The following RHPN1 variants were observed in gnomAD, a reference collection of about 807,000 sequenced individuals.
RHPN1 encodes the protein rhophilin-1.
RHPN1 carries 77 observed loss-of-function variants against 74.7 expected under a neutral mutation model. The ratio of observed to expected loss-of-function variants is 1.03; its 90% CI spans 0.86 to 1.25. The LOEUF is 1.25. Ranked by LOEUF, RHPN1 falls within the 50% of genes most tolerant of loss-of-function variation. The probability of loss-of-function intolerance (pLI) is 0.00; values close to 1 mark genes in which losing one functional copy is unlikely to be tolerated. For synonymous variants in RHPN1, 444 were observed against 414.5 expected (o/e 1.07, Z -0.87); for missense variants, 987 against 932.2 (o/e 1.06, Z -0.77).
At position 143,380,110 on chromosome 8, in the gene RHPN1, C is replaced by T; in HGVS notation, c.1151C>T (p.Pro384Leu). 6.4e-7 allele frequency: 1 copy of T among 1,552,548 alleles called. No homozygotes were observed. The change falls in exon 10 of 15, where the codon CCC (proline) becomes CTC (leucine). Residue 384 changes from proline (P) to leucine (L), a missense_variant. Coordinates refer to ENST00000289013, the MANE Select transcript of RHPN1 (RefSeq NM_052924.3). ...LPTHEQVFLQ[P>L]PTSSKPRGPV... ...ACGCACGAGCAGGTCTTCCTGCAGC[C>T]CCCCACCTCCTCTAAGCCCCGAGGC...
chr8:143,377,409 T>A lies in RHPN1; in HGVS notation c.335T>A (p.Leu112Gln). Residue 112 changes from leucine to glutamine, a missense_variant, in exon 4 of 15, where the codon CTG becomes CAG. Coordinates refer to ENST00000289013, the MANE Select transcript of RHPN1 (RefSeq NM_052924.3). ...GCTGTCACTGTCCCCATGATCCCCC[T>A]GGGCCTGAAGGAGACCAAGGAGCTG... ...SEAVTVPMIP[L>Q]GLKETKELDW... The A allele has an allele frequency of 6.2e-7, 1 of 1,613,500 alleles. No homozygotes were observed. The highest frequency in any genetic ancestry group is 8.5e-7 in the Non-Finnish European group (1 of 1,179,596).
intron 8 of RHPN1, 96 bp downstream of exon 8, chr8:143,379,604 TTG>T: frequency 6.9e-7 from 1 of 1,455,534 alleles, no homozygotes; most frequent in Non-Finnish European, 9.1e-7. Context: ...ACCTCCTTCC[TTG>T]TGTGTCAGCC....
chr8:143,365,962 A>C (rs990143318), upstream of RHPN1, among the ~76,000 whole-genome samples: 2 of 149,442 alleles, frequency 1.3e-5, no homozygotes, highest in African/African-American at 2.5e-5. Context: ...TGATCACACC[A>C]CTGCACTCCA....
chr8:143,364,669 C>T (rs189874080), upstream of RHPN1, among the ~76,000 whole-genome samples: 5 of 152,118 alleles, frequency 3.3e-5, no homozygotes, highest in Admixed American at 3.3e-4. The surrounding 1 kb of genome is among the most constrained non-coding windows in gnomAD (Gnocchi z 4.5). Context: ...TAGGCAGCCC[C>T]GAGCTGACCC....
chr8:143,376,929 T>C (rs1412728019), intron 3 of RHPN1, among the ~76,000 whole-genome samples: 1 of 146,990 alleles, frequency 6.8e-6, no homozygotes, highest in African/African-American at 2.5e-5. Context: ...TCTGCATGTG[T>C]CTGTGTGTGC....
rs753903785 is a variant in RHPN1 at position 143,381,644 on chromosome 8, G to A, written c.1561G>A (p.Gly521Ser). ...VGPVHLTRGE[G>S]GFGLTLRGDS... ...GCCCGTCCACCTGACCCGAGGAGAG[G>A]GCGGCTTTGGCCTCACGCTTCGGGG... is the stretch of plus-strand genomic sequence containing the variant. Residue 521 changes from glycine to serine, a missense_variant, in exon 13 of 15, where the codon GGC (glycine) becomes AGC (serine). Coordinates refer to ENST00000289013, the MANE Select transcript of RHPN1 (RefSeq NM_052924.3). 21 of 1,611,062 alleles carry A rather than the reference G, an allele frequency of 1.3e-5. No individual in the cohort carries two copies. The highest frequency in any genetic ancestry group is 1.7e-5 in the Non-Finnish European group (20 of 1,179,326).
At chr8:143,377,090 A>G (rs552774059) in intron 3 of RHPN1, among the ~76,000 whole-genome samples, 9 of 145,984 alleles carry the variant, frequency 6.2e-5, no homozygotes, top group African/African-American at 1.8e-4. Flanking sequence ...GTGTGTGCAT[A>G]TATGTGTGTG....
chr8:143,365,746 C>T (rs1817549647), upstream of RHPN1, among the ~76,000 whole-genome samples: 1 of 152,310 alleles, frequency 6.6e-6, no homozygotes. Flanking sequence ...ACCTGTAATC[C>T]CAGCACTTTG....
upstream of RHPN1, among the ~76,000 whole-genome samples, chr8:143,366,172 C>T (rs528006453): frequency 6.6e-6 from 1 of 152,018 alleles, no homozygotes; most frequent in South Asian, 2.1e-4. Context: ...AGAAAACGAG[C>T]ATAAAGCAGC....
chr8:143,381,947 C>G lies in RHPN1; in HGVS notation c.1776C>G (p.Pro592=). Residue 592 remains proline (P), a synonymous_variant, in exon 14 of 15, where the codon CCC becomes CCG. Transcript: ENST00000289013. ...GCCTGCAGGTGGTGTCGCTGCTGCC[C>G]AGCTCTAGACTGCCCAGCTTGGTGA... The part of the protein sequence containing the change: ...GASLQVVSLL[P]SSRLPSLGDR... 6.2e-7 allele frequency: 1 copy of G among 1,601,388 alleles called. No individual in the cohort carries two copies. Among genetic ancestry groups the G allele is most frequent in the Admixed American group, 1.7e-5 (1 of 59,110 alleles).
chr8:143,376,419 G>C (rs1586816386), intron 2 of RHPN1, 106 bp from the exon 3 acceptor site: 1 of 1,505,832 alleles, frequency 6.6e-7, no homozygotes, highest in Non-Finnish European at 9.0e-7. Context: ...CCTCTGCAGG[G>C]TGGGCTTGGA....
In RHPN1 at chr8:143,382,530, C is replaced by T; in HGVS notation, c.1892C>T (p.Pro631Leu). The change falls in exon 15 of 15, where the codon CCC (proline) becomes CTC (leucine). Residue 631 changes from proline to leucine, a missense_variant. Coordinates refer to ENST00000289013, the MANE Select transcript of RHPN1 (RefSeq NM_052924.3). Reference sequence around the variant, plus strand: ...ACCCCGGCATCCACGTGGGCCAGTCCCCGGCCCCTCCTCAACTGGAGCCGA... The same window carrying T: ...ACCCCGGCATCCACGTGGGCCAGTCTCCGGCCCCTCCTCAACTGGAGCCGA... Reference protein sequence around the residue: ...CKTPASTWASPRPLLNWSRKA... With the variant: ...CKTPASTWASLRPLLNWSRKA... 1 of 1,610,810 alleles carries T rather than the reference C, an allele frequency of 6.2e-7. No homozygotes were observed. Among genetic ancestry groups the T allele is most frequent in the Non-Finnish European group, 8.5e-7 (1 of 1,179,190 alleles).
chr8:143,380,051 C>T lies in RHPN1; in HGVS notation c.1103-11C>T, dbSNP rs1414191566. The T allele has an allele frequency of 1.3e-6, 2 of 1,545,554 alleles. No individual in the cohort carries two copies. The highest frequency in any genetic ancestry group is 1.7e-6 in the Non-Finnish European group (2 of 1,144,872). On this transcript the variant is annotated splice_polypyrimidine_tract_variant and intron_variant, in intron 9 of 14. Coordinates refer to ENST00000289013, the MANE Select transcript of RHPN1 (RefSeq NM_052924.3). Reference sequence around the variant, plus strand: ...CCCCCGCGCAGGGCTCACAGCCTCTCTGTCCCCCAGCAGCGACCGAGGGAG... The same window carrying T: ...CCCCCGCGCAGGGCTCACAGCCTCTTTGTCCCCCAGCAGCGACCGAGGGAG...
At chr8:143,377,760 C>T (rs912103684) in intron 4 of RHPN1, among the ~76,000 whole-genome samples, 5 of 152,324 alleles carry the variant, frequency 3.3e-5, no homozygotes, top group East Asian at 3.9e-4. Context: ...AAGCCCCAGC[C>T]GGAGCACAGG....
chr8:143,376,384 G>T (rs1818218165), intron 2 of RHPN1, 141 bp from the exon 3 acceptor site: 1 of 1,258,826 alleles, frequency 7.9e-7, no homozygotes, highest in African/African-American at 1.5e-5. Flanking sequence ...CCCCACCCAT[G>T]GGGGGCAGAC....
chr8:143,379,163 G>A, intron 7 of RHPN1, 85 bp downstream of exon 7: 2 of 1,410,276 alleles, frequency 1.4e-6, no homozygotes, highest in Non-Finnish European at 1.9e-6. Flanking sequence ...GCTGGGGAGT[G>A]GTTAGGACAT....
chr8:143,372,156 C>T (rs987421475), intron 1 of RHPN1, among the ~76,000 whole-genome samples: 14 of 152,254 alleles, frequency 9.2e-5, no homozygotes, highest in Admixed American at 5.2e-4. Context: ...GTCTGATGCC[C>T]GTCGCACAGC....
At position 143,382,496 on chromosome 8, in the gene RHPN1, G is replaced by C. The variant is rs767554195; in HGVS notation, c.1858G>C (p.Gly620Arg). The C allele has an allele frequency of 6.2e-7, 1 of 1,606,006 alleles. No homozygotes were observed. The highest frequency in any genetic ancestry group is 8.5e-7 in the Non-Finnish European group (1 of 1,177,140). Residue 620 changes from glycine to arginine, a missense_variant, in exon 15 of 15, where the codon GGT (glycine) becomes CGT (arginine). By Grantham distance (125) the Gly-to-Arg change is moderately radical (BLOSUM62 -2). Transcript: ENST00000289013. ...GCTTCTAAGGAGCCAGAGGGAGCAT[G>C]GTTGCAAGACCCCGGCATCCACGTG... Reference protein sequence around the residue: ...RGLLRSQREHGCKTPASTWAS... With the variant: ...RGLLRSQREHRCKTPASTWAS...
At chr8:143,375,926 A>G (rs147092473) in intron 2 of RHPN1, among the ~76,000 whole-genome samples, 2 of 152,326 alleles carry the variant, frequency 1.3e-5, no homozygotes, top group Non-Finnish European at 2.9e-5. Context: ...AAGCCCCAAC[A>G]GTGCACGTGG....
Sources: gnomAD v4.1 joint callset for allele counts (sites outside exome capture counted in the v4.1 genomes callset) on GRCh38, gnomAD v4.1.1 for gene constraint, Gnocchi (gnomAD v3.1) non-coding constraint, MANE v1.5 for transcripts, NCBI Gene and HGNC (gene_info 2026-07-23, HGNC 2026-07-21) for gene names.